Variants in RTL4 observed in about 807,000 individuals in gnomAD.
The protein encoded by RTL4 is retrotransposon Gag-like protein 4.
Under a neutral mutation model 5.3 loss-of-function variants are expected in RTL4, and 4 were observed. That is an observed-to-expected ratio of 0.75 (90% confidence interval 0.37 to 1.72). RTL4 has a LOEUF of 1.72. Ranked by LOEUF, RTL4 falls within the 40% of genes most tolerant of loss-of-function variation. The probability of loss-of-function intolerance (pLI) is 0.04; values close to 1 mark genes in which losing one functional copy is unlikely to be tolerated. For missense variants in RTL4, 260 were observed against 227.1 expected, an observed-to-expected ratio of 1.14 and a Z score of -0.93; for synonymous variants, 98 against 87.3, an observed-to-expected ratio of 1.12 and a Z score of -0.68.
chrX:112,104,296 CT>C, the RTL4 span, among the ~76,000 whole-genome samples: 1 of 112,111 alleles, frequency 8.9e-6, no homozygotes, highest in Admixed American at 9.5e-5. Flanking sequence ...ATCCATTCAT[CT>C]CTTGATGGAC....
At chrX:112,327,499 G>C in the RTL4 span, among the ~76,000 whole-genome samples, 1 of 109,787 alleles carries the variant, frequency 9.1e-6, no homozygotes, top group African/African-American at 3.3e-5. Context: ...AGAAATATGG[G>C]ACTATGTGAA....
At chrX:112,105,481 T>C in the RTL4 span, among the ~76,000 whole-genome samples, 7 of 111,453 alleles carry the variant, frequency 6.3e-5, no homozygotes, top group Non-Finnish European at 1.1e-4. Context: ...CTTTGTGTAG[T>C]ATGGAGATTT....
the RTL4 span, among the ~76,000 whole-genome samples, chrX:112,425,057 C>T: frequency 0.18 from 19,339 of 110,393 alleles, 1,308 homozygotes; most frequent in East Asian, 0.28. Flanking sequence ...AGTTTCACTG[C>T]CCTAAAATCC....
At chrX:112,352,153 C>A in the RTL4 span, among the ~76,000 whole-genome samples, 1 of 110,633 alleles carries the variant, frequency 9.0e-6, no homozygotes, top group Non-Finnish European at 1.9e-5. Context: ...ATATGAAATT[C>A]TGGGTTGAAA....
chrX:112,407,009 T>A, the RTL4 span, among the ~76,000 whole-genome samples: 2 of 109,958 alleles, frequency 1.8e-5, no homozygotes, highest in Non-Finnish European at 3.8e-5. Context: ...GATACCCAGA[T>A]ACTACATCGA....
chrX:112,097,211 A>G, the RTL4 span, among the ~76,000 whole-genome samples: 1 of 112,232 alleles, frequency 8.9e-6, no homozygotes, highest in Non-Finnish European at 1.9e-5. Flanking sequence ...TGTGGAATTT[A>G]CAGTCTAGTT....
the RTL4 span, among the ~76,000 whole-genome samples, chrX:112,334,208 A>G: frequency 8.9e-6 from 1 of 111,892 alleles, no homozygotes; most frequent in Non-Finnish European, 1.9e-5. Flanking sequence ...ATCTGTTGAC[A>G]GACACTTAAG....
the RTL4 span, among the ~76,000 whole-genome samples, chrX:112,319,015 A>C: frequency 9.0e-6 from 1 of 111,716 alleles, no homozygotes; most frequent in Non-Finnish European, 1.9e-5. Context: ...GATTTCCTAC[A>C]TGGGAGCTCA....
chrX:112,423,233 G>T, the RTL4 span, among the ~76,000 whole-genome samples: 1 of 110,065 alleles, frequency 9.1e-6, no homozygotes, highest in Non-Finnish European at 1.9e-5. Context: ...TAGATAAAGG[G>T]ACTTGGTCGA....
At chrX:112,453,324 TGA>T (rs1223949321), upstream of RTL4, among the ~76,000 whole-genome samples, 1 of 111,988 alleles carries the variant, frequency 8.9e-6, no homozygotes, top group Non-Finnish European at 1.9e-5. Context: ...GAAAGGGCAA[TGA>T]GAGGAATTGA....
chrX:112,386,143 G>A, the RTL4 span, among the ~76,000 whole-genome samples: 1 of 111,949 alleles, frequency 8.9e-6, no homozygotes, highest in African/African-American at 3.2e-5. Context: ...GTACATAGGT[G>A]TATGGTATAC....
the RTL4 span, among the ~76,000 whole-genome samples, chrX:112,121,436 A>T: frequency 8.9e-6 from 1 of 112,157 alleles, no homozygotes; most frequent in Non-Finnish European, 1.9e-5. Flanking sequence ...ATAACTAAAT[A>T]AATTTATTAA....
chrX:112,389,811 T>C, the RTL4 span, among the ~76,000 whole-genome samples: 1 of 108,548 alleles, frequency 9.2e-6, no homozygotes, highest in African/African-American at 3.4e-5. Flanking sequence ...AGGATTCTTT[T>C]ATGTCCAATT....
At chrX:112,310,832 A>G in the RTL4 span, among the ~76,000 whole-genome samples, 24 of 87,710 alleles carry the variant, frequency 2.7e-4, no homozygotes, top group Admixed American at 8.2e-4. Context: ...TTAATACATT[A>G]TATATTATAT....
chrX:112,317,397 G>A, the RTL4 span, among the ~76,000 whole-genome samples: 2 of 111,834 alleles, frequency 1.8e-5, no homozygotes, highest in African/African-American at 6.5e-5. Flanking sequence ...TTCTTTACTG[G>A]GCAGTCAGGG....
the RTL4 span, among the ~76,000 whole-genome samples, chrX:112,328,653 A>C: frequency 1.8e-5 from 2 of 111,799 alleles, no homozygotes; most frequent in African/African-American, 6.5e-5. Flanking sequence ...CTGCACCAAG[A>C]GGACCTAATA....
At chrX:112,226,971 T>TA in the RTL4 span, among the ~76,000 whole-genome samples, 22,150 of 74,770 alleles carry the variant, frequency 0.3, 2,453 homozygotes, top group African/African-American at 0.5. Context: ...TAAAATAAAA[T>TA]AATAAAATAA....
chrX:112,193,997 G>A, the RTL4 span, among the ~76,000 whole-genome samples: 1 of 111,250 alleles, frequency 9.0e-6, no homozygotes, highest in Non-Finnish European at 1.9e-5. Flanking sequence ...AACACTCTGA[G>A]GTAAATGGAT....
chrX:112,265,487 A>AC, the RTL4 span, among the ~76,000 whole-genome samples: 3 of 112,133 alleles, frequency 2.7e-5, no homozygotes, highest in Non-Finnish European at 5.6e-5. Flanking sequence ...TGCATGTGGA[A>AC]CATTCTGTCC....
Sources: allele counts gnomAD v4.1 joint callset (sites outside exome capture counted in the v4.1 genomes callset), GRCh38; gene constraint gnomAD v4.1.1; transcripts MANE v1.5; gene names NCBI Gene and HGNC (gene_info 2026-07-23, HGNC 2026-07-21).